FLOT1: variants seen among roughly 807,000 people sequenced by gnomAD.
FLOT1 encodes the protein flotillin 1.
In FLOT1, 40 loss-of-function variants were observed where a neutral mutation model predicts 58.4. The ratio of observed to expected loss-of-function variants is 0.69; its 90% CI spans 0.53 to 0.89. The LOEUF is 0.89. Ranked by LOEUF, FLOT1 falls within the 40% of genes least tolerant of loss-of-function variation. FLOT1 has a pLI of 0.00. For missense variants in FLOT1, 423 were observed against 540.8 expected (o/e 0.78, Z 2.16); for synonymous variants, 178 against 204.2 (o/e 0.87, Z 1.09).
At chr6:30,729,872 T>C in intron 12 of FLOT1, 150 bp downstream of exon 12, 1 of 668,150 alleles carries the variant, frequency 1.5e-6, no homozygotes, top group South Asian at 1.9e-5. Flanking sequence ...AACTCATTTA[T>C]GTAGAAGCTT....
At chr6:30,733,754 A>AG (rs1341365204) in intron 8 of FLOT1, among the ~76,000 whole-genome samples, 5 of 128,270 alleles carry the variant, frequency 3.9e-5, no homozygotes, top group Non-Finnish European at 8.0e-5. Flanking sequence ...AAAAAAAAAA[A>AG]AGAAAAGAAA....
chr6:30,729,077 ATT>A (rs774761881), intron 12 of FLOT1, among the ~76,000 whole-genome samples: 5 of 125,594 alleles, frequency 4.0e-5, no homozygotes, highest in Admixed American at 8.3e-5. Flanking sequence ...CGCGCCTGGA[ATT>A]TTTTTTTTTT....
intron 12 of FLOT1, among the ~76,000 whole-genome samples, chr6:30,729,459 A>G (rs1776994700): frequency 6.6e-6 from 1 of 152,222 alleles, no homozygotes; most frequent in African/African-American, 2.4e-5. Context: ...CGAGCCCCTC[A>G]ACAATTCAAC....
chr6:30,736,910 C>G (rs1258479555), intron 8 of FLOT1, among the ~76,000 whole-genome samples: 2 of 151,774 alleles, frequency 1.3e-5, no homozygotes, highest in Non-Finnish European at 2.9e-5. Context: ...CTCTCTTTGC[C>G]CGTTCTCCAC....
chr6:30,736,453 CACT>C (rs1261586600), intron 8 of FLOT1: 3 of 147,088 alleles, frequency 2.0e-5, no homozygotes, highest in Non-Finnish European at 3.0e-5. Flanking sequence ...TAGATCGCGC[CACT>C]GCACTCCAGC....
chr6:30,729,834 A>G lies in FLOT1; in HGVS notation c.1254+188T>C, dbSNP rs1374692791. Among the ~76,000 whole-genome samples, 6 of 152,322 alleles carry G rather than the reference A, an allele frequency of 3.9e-5. No homozygotes were observed. The South Asian group carries it at 1.0e-3, about 26-fold the overall frequency. On this transcript the variant is annotated intron_variant, in intron 12 of 12. Coordinates refer to ENST00000376389, the MANE Select transcript of FLOT1 (RefSeq NM_005803.4). Reference sequence around the variant, plus strand: ...GTTTCTGGACTTTGTAAAATCCTATATACCCTAATGGTAGTTTGATTTAAA... The same window carrying G: ...GTTTCTGGACTTTGTAAAATCCTATGTACCCTAATGGTAGTTTGATTTAAA...
chr6:30,730,417 G>A lies in FLOT1; in HGVS notation c.1089+11C>T. ...TTTCCTCCTTTCTTGGTGCCCACATGACCTCCAGACCTGGGGCAGCTTCTC... is the reference window on the plus strand; with the variant it reads ...TTTCCTCCTTTCTTGGTGCCCACATAACCTCCAGACCTGGGGCAGCTTCTC... On this transcript the variant is annotated intron_variant, in intron 11 of 12. Coordinates refer to ENST00000376389, the MANE Select transcript of FLOT1 (RefSeq NM_005803.4). 6.4e-7 allele frequency: 1 copy of A among 1,552,006 alleles called. No individual in the cohort carries two copies. The highest frequency in any genetic ancestry group is 1.7e-4 in the Middle Eastern group (1 of 5,750).
rs1778050219 is a variant in FLOT1 at position 30,742,236 on chromosome 6, G to A, written c.-14-33C>T. The A allele has an allele frequency of 1.9e-6, 3 of 1,594,266 alleles. No individual in the cohort carries two copies. The highest frequency in any genetic ancestry group is 1.7e-6 in the Non-Finnish European group (2 of 1,163,056). On this transcript the variant is annotated intron_variant, in intron 1 of 12. Transcript: ENST00000376389. The surrounding 1 kb of genome is among the most constrained non-coding windows in gnomAD (Gnocchi z 5.2). ...AGAGGGAGGGAAAGCCTTTGCGGAT[G>A]GGGAAGGCGCGCTGTGGCGTCCACA...
At chr6:30,728,259 G>C in intron 12 of FLOT1, 114 bp from the exon 13 acceptor site, 1 of 829,212 alleles carries the variant, frequency 1.2e-6, no homozygotes, top group South Asian at 1.4e-5. Flanking sequence ...ACACGGCCAG[G>C]GTTCTTTCTG....
At position 30,727,876 on chromosome 6, in the gene FLOT1, T is replaced by A; in HGVS notation, c.*240A>T. ...GGAAGTTAAATAAGTTGAGGTGGGG[T>A]GGAGTGGGATCATCAGAAGGCTGAC... On this transcript the variant is annotated 3_prime_UTR_variant, in exon 13 of 13. Coordinates refer to ENST00000376389, the MANE Select transcript of FLOT1 (RefSeq NM_005803.4). The A allele has an allele frequency of 1.7e-6, 1 of 593,054 alleles. No homozygotes were observed. Among genetic ancestry groups the A allele is most frequent in the African/African-American group, 1.9e-5 (1 of 53,806 alleles). 36.7% of individuals were successfully genotyped at this position (593,054 alleles called of 1,614,324 possible). A position where few individuals can be genotyped will look rare whatever the true frequency, so the allele number is the denominator to read the frequency against.
At chr6:30,731,386 G>A (rs1254685952) in intron 8 of FLOT1, among the ~76,000 whole-genome samples, 2 of 151,404 alleles carry the variant, frequency 1.3e-5, no homozygotes, top group Non-Finnish European at 2.9e-5. Context: ...CCGGGAGGCT[G>A]AGGCAGGAGA....
At position 30,742,114 on chromosome 6, in the gene FLOT1, G is replaced by A; in HGVS notation, c.43+33C>T. On this transcript the variant is annotated intron_variant, in intron 2 of 12. Transcript: ENST00000376389. This position sits in a 1 kb window ranked among gnomAD's most constrained non-coding sequence, Gnocchi z 5.2. ...AGGCCAGACTCACAGGGGTTCTGGG[G>A]TCACTGGCTGGGAAGGGAACAACAG... The A allele has an allele frequency of 6.2e-7, 1 of 1,608,984 alleles. No homozygotes were observed. Among genetic ancestry groups the A allele is most frequent in the Non-Finnish European group, 8.5e-7 (1 of 1,176,996 alleles).
intron 8 of FLOT1, 59 bp from the exon 9 acceptor site, chr6:30,731,159 C>T (rs1777163102): frequency 3.3e-6 from 5 of 1,501,392 alleles, no homozygotes; most frequent in Non-Finnish European, 4.5e-6. Flanking sequence ...AGCAAGTGCC[C>T]GGGAACCAGA....
In FLOT1 at chr6:30,740,721, G is replaced by T; in HGVS notation, c.432C>A (p.Ile144=). 6.2e-7 allele frequency: 1 copy of T among 1,612,916 alleles called. No individual in the cohort carries two copies. The highest frequency in any genetic ancestry group is 8.5e-7 in the Non-Finnish European group (1 of 1,180,012). ...VASSDLVNMG[I]SVVSYTLKDI... ...CCTTCAGAGTGTAGCTAACCACACT[G>T]ATGCCCATGTTGACCAGGTCTGAGG... Residue 144 remains isoleucine (I), a synonymous_variant, in exon 6 of 13, where the codon ATC becomes ATA. Coordinates refer to ENST00000376389, the MANE Select transcript of FLOT1 (RefSeq NM_005803.4).
chr6:30,727,952 G>C lies in FLOT1; in HGVS notation c.*164C>G. On this transcript the variant is annotated 3_prime_UTR_variant, in exon 13 of 13. Transcript: ENST00000376389. ...TAGCAGTGTGAGGTTGGCAAGGGGAGCAACCCCCTTCAAGACAAGGCACAA... is the reference window on the plus strand; with the variant it reads ...TAGCAGTGTGAGGTTGGCAAGGGGACCAACCCCCTTCAAGACAAGGCACAA... 1 of 707,334 alleles carries C rather than the reference G, an allele frequency of 1.4e-6. No homozygotes were observed. The highest frequency in any genetic ancestry group is 2.5e-6 in the Non-Finnish European group (1 of 392,808). The allele number at this position is 707,334 out of a possible 1,614,324, so 43.8% of individuals were successfully genotyped here.
At chr6:30,731,290 G>T (rs1399966407) in intron 8 of FLOT1, among the ~76,000 whole-genome samples, 190 bp from the exon 9 acceptor site, 4 of 152,094 alleles carry the variant, frequency 2.6e-5, no homozygotes, top group Non-Finnish European at 4.4e-5. Flanking sequence ...CTCGAGACCA[G>T]CCTGGCCAAC....
At chr6:30,738,555 G>T (rs941670446) in intron 8 of FLOT1, among the ~76,000 whole-genome samples, 2 of 152,092 alleles carry the variant, frequency 1.3e-5, no homozygotes, top group African/African-American at 4.8e-5. Flanking sequence ...TGAGCCTCTG[G>T]TCAAAACATT....
chr6:30,742,598 G>A lies in FLOT1; in HGVS notation c.-86C>T. ...GGGTCGCGCAGGGACCTGGGAGCCG[G>A]GCAGGGGCCGCTCGCAGACCAGCTT... On this transcript the variant is annotated 5_prime_UTR_variant, in exon 1 of 13. Coordinates refer to ENST00000376389, the MANE Select transcript of FLOT1 (RefSeq NM_005803.4). The surrounding 1 kb of genome is among the most constrained non-coding windows in gnomAD (Gnocchi z 5.2). 1 of 216,662 alleles carries A rather than the reference G, an allele frequency of 4.6e-6. No individual in the cohort carries two copies. The highest frequency in any genetic ancestry group is 7.3e-5 in the South Asian group (1 of 13,776). The allele number at this position is 216,662 out of a possible 1,614,324, so 13.4% of individuals were successfully genotyped here. A position where few individuals can be genotyped will look rare whatever the true frequency, so the allele number is the denominator to read the frequency against.
In FLOT1 at chr6:30,737,242, G is replaced by GTCCA. The variant is rs146050958; in HGVS notation, c.723+2915_723+2916insTGGA. On this transcript the variant is annotated intron_variant, in intron 8 of 12. Coordinates refer to ENST00000376389, the MANE Select transcript of FLOT1 (RefSeq NM_005803.4). The surrounding 1 kb of genome is among the most constrained non-coding windows in gnomAD (Gnocchi z 4.4). ...CGTCCGTCCGTCCGTCCGTCCGTCC[G>GTCCA]TCCGTCCATCCGTCCATCCATCCAT... Among the ~76,000 whole-genome samples the GTCCA allele has an allele frequency of 0.16, 23,472 of 145,110 alleles. 1,964 individuals are homozygous for GTCCA. Among genetic ancestry groups the GTCCA allele is most frequent in the East Asian group, 0.19 (933 of 4,858 alleles).
Sources: gnomAD v4.1 joint callset for allele counts (sites outside exome capture counted in the v4.1 genomes callset) on GRCh38, gnomAD v4.1.1 for gene constraint, Gnocchi (gnomAD v3.1) non-coding constraint, MANE v1.5 for transcripts, NCBI Gene and HGNC (gene_info 2026-07-23, HGNC 2026-07-21) for gene names.